Variants in PLEKHH1 observed in about 807,000 individuals in gnomAD.
PLEKHH1 encodes pleckstrin homology, MyTH4 and FERM domain containing H1.
In PLEKHH1, 104 loss-of-function variants were observed where a neutral mutation model predicts 160.0. That is an observed-to-expected ratio of 0.65 (90% CI 0.55 to 0.76). PLEKHH1 has a LOEUF of 0.76. PLEKHH1 is among the 30% of genes least tolerant of loss of function. PLEKHH1 has a pLI of 0.00. For missense variants in PLEKHH1, 1,427 were observed against 1,724.1 expected, an observed-to-expected ratio of 0.83 and a Z score of 3.05; for synonymous variants, 619 against 678.4, an observed-to-expected ratio of 0.91 and a Z score of 1.36.
At chr14:67,549,701 G>T (rs768478121) in intron 2 of PLEKHH1, among the ~76,000 whole-genome samples, 3 of 152,210 alleles carry the variant, frequency 2.0e-5, no homozygotes, top group Non-Finnish European at 2.9e-5. Flanking sequence ...TGCTGATGGG[G>T]CTACGGCTCC....
Position 67,585,483 on chromosome 14 carries a change from G to A in PLEKHH1, c.3700-85G>A, listed in dbSNP as rs1405458125. 1.1e-5 allele frequency: 10 copies of A among 870,502 alleles called. No homozygotes were observed. The Admixed American group carries it at 2.1e-4, about 19-fold the overall frequency. The allele number at this position is 870,502 out of a possible 1,614,324, so 53.9% of individuals were successfully genotyped here. A position where few individuals can be genotyped will look rare whatever the true frequency, so the allele number is the denominator to read the frequency against. On this transcript the variant is annotated intron_variant, in intron 26 of 28. Transcript: ENST00000329153. ...GGAAATCACTGCTTAGCAGATCCCTGGATGTGCCTTCTTTCTCAGAAAGTT... is the reference window on the plus strand; with the variant it reads ...GGAAATCACTGCTTAGCAGATCCCTAGATGTGCCTTCTTTCTCAGAAAGTT...
intron 5 of PLEKHH1, 77 bp downstream of exon 5, chr14:67,559,768 C>A: frequency 1.1e-6 from 1 of 938,136 alleles, no homozygotes; most frequent in Non-Finnish European, 1.7e-6. Flanking sequence ...TTCCTGCCCC[C>A]TACTGTCTAG....
In PLEKHH1 at chr14:67,571,605, G is replaced by T. The variant is rs991626314; in HGVS notation, c.1435-147G>T. ...CATGACACAGGAGTGAGGCCAGGAGGGACCTTACACTGGACAGTTGTCTGT... is the reference window on the plus strand; with the variant it reads ...CATGACACAGGAGTGAGGCCAGGAGTGACCTTACACTGGACAGTTGTCTGT... On this transcript the variant is annotated intron_variant, in intron 9 of 28. Coordinates refer to ENST00000329153, the MANE Select transcript of PLEKHH1 (RefSeq NM_020715.3). 8.7e-6 allele frequency: 6 copies of T among 693,332 alleles called. No individual in the cohort carries two copies. In the Admixed American group the frequency reaches 1.3e-4, roughly 16 times the overall value. The allele number at this position is 693,332 out of a possible 1,614,324, so 42.9% of individuals were successfully genotyped here. A position where few individuals can be genotyped will look rare whatever the true frequency, so the allele number is the denominator to read the frequency against.
intron 26 of PLEKHH1, chr14:67,585,350 G>T: frequency 1.9e-6 from 1 of 538,844 alleles, no homozygotes; most frequent in Non-Finnish European, 3.3e-6. Context: ...GAGATGGTTA[G>T]TAGGTGGCCA....
chr14:67,561,343 G>A (rs2034828649), intron 5 of PLEKHH1, among the ~76,000 whole-genome samples: 1 of 152,166 alleles, frequency 6.6e-6, no homozygotes, highest in Non-Finnish European at 1.5e-5. Context: ...TCGACACTAG[G>A]AGTTTGAGAC....
At position 67,587,651 on chromosome 14, in the gene PLEKHH1, A is replaced by C; in HGVS notation, c.*416A>C. The C allele has an allele frequency of 4.8e-6, 1 of 210,470 alleles. No individual in the cohort carries two copies. The highest frequency in any genetic ancestry group is 9.7e-6 in the Non-Finnish European group (1 of 103,500). 13.0% of individuals were successfully genotyped at this position (210,470 alleles called of 1,614,324 possible). The stretch of plus-strand genomic sequence containing the variant: ...GTCACCCAGTCCACAGGGTTCAAGC[A>C]ATTCTCCTGCCTCAGCCTTCGGAGT... On this transcript the variant is annotated 3_prime_UTR_variant, in exon 29 of 29. Coordinates refer to ENST00000329153, the MANE Select transcript of PLEKHH1 (RefSeq NM_020715.3).
chr14:67,576,960 G>C lies in PLEKHH1; in HGVS notation c.2462-342G>C, dbSNP rs1283480237. 6.6e-6 allele frequency among the ~76,000 whole-genome samples: 1 copy of C among 152,108 alleles called. No individual in the cohort carries two copies. The highest frequency in any genetic ancestry group is 2.4e-5 in the African/African-American group (1 of 41,408). On this transcript the variant is annotated intron_variant, in intron 17 of 28. Coordinates refer to ENST00000329153, the MANE Select transcript of PLEKHH1 (RefSeq NM_020715.3). The surrounding 1 kb of genome is among the most constrained non-coding windows in gnomAD (Gnocchi z 4.0). ...ACACACACCCCTTTACTACTGCTCT[G>C]AGGCTTGTTTGTTTCTGACCAATTC...
intron 1 of PLEKHH1, among the ~76,000 whole-genome samples, chr14:67,541,424 C>T (rs1350818962): frequency 6.6e-6 from 1 of 152,244 alleles, no homozygotes; most frequent in Non-Finnish European, 1.5e-5. Context: ...TTGAAAAACA[C>T]AAAGACAAGG....
chr14:67,576,407 T>C lies in PLEKHH1; in HGVS notation c.2365T>C (p.Tyr789His). The change falls in exon 17 of 29, where the codon TAC becomes CAC. Residue 789 changes from tyrosine (Y) to histidine (H), a missense_variant. Physicochemically the swap from Tyr to His is moderately conservative, Grantham distance 83. Coordinates refer to ENST00000329153, the MANE Select transcript of PLEKHH1 (RefSeq NM_020715.3). This position sits in a 1 kb window ranked among gnomAD's most constrained non-coding sequence, Gnocchi z 4.0. ...GTKHEKDTWL[Y>H]HLTVAAGGSS... ...CGCCCTCTTCCAGGATACGTGGCTC[T>C]ACCACCTCACAGTGGCTGCAGGTGG... is the stretch of plus-strand genomic sequence containing the variant. 6.2e-7 allele frequency: 1 copy of C among 1,602,462 alleles called. No individual in the cohort carries two copies. Among genetic ancestry groups the C allele is most frequent in the Non-Finnish European group, 8.5e-7 (1 of 1,169,828 alleles).
At position 67,587,709 on chromosome 14, in the gene PLEKHH1, G is replaced by A. The variant is rs149851890; in HGVS notation, c.*474G>A. The A allele has an allele frequency of 0.014, 2,365 of 164,264 alleles. 64 individuals carry two copies. The highest frequency in any genetic ancestry group is 0.092 in the South Asian group (583 of 6,304). The allele number at this position is 164,264 out of a possible 1,614,324, so 10.2% of individuals were successfully genotyped here. On this transcript the variant is annotated 3_prime_UTR_variant, in exon 29 of 29. Coordinates refer to ENST00000329153, the MANE Select transcript of PLEKHH1 (RefSeq NM_020715.3). ...ATTACAGGTGTGCGCCACCATGCCC[G>A]GCTAATTTTTGTATTTTTAGTAGAG...
At chr14:67,534,358 A>G (rs1417928080) in intron 1 of PLEKHH1, among the ~76,000 whole-genome samples, 2 of 151,998 alleles carry the variant, frequency 1.3e-5, no homozygotes, top group Non-Finnish European at 2.9e-5. Flanking sequence ...GCAGGAGGAG[A>G]GCTTGATGCC....
At chr14:67,571,656 A>G in intron 9 of PLEKHH1, 96 bp from the exon 10 acceptor site, 1 of 1,335,806 alleles carries the variant, frequency 7.5e-7, no homozygotes. Context: ...GGGGTTGGCC[A>G]CACCATGGGC....
At chr14:67,570,311 C>A in intron 9 of PLEKHH1, 1 of 978,534 alleles carries the variant, frequency 1.0e-6, no homozygotes, top group Non-Finnish European at 1.2e-6. Context: ...TCCCAGAGGG[C>A]AGTGGGGCTC....
Position 67,575,549 on chromosome 14 carries a change from A to G in PLEKHH1, c.2169+77A>G, listed in dbSNP as rs747493939. 8.7e-6 allele frequency: 8 copies of G among 924,796 alleles called. No individual in the cohort carries two copies. In the African/African-American group the frequency reaches 1.3e-4, roughly 15 times the overall value. 57.3% of individuals were successfully genotyped at this position (924,796 alleles called of 1,614,324 possible). On this transcript the variant is annotated intron_variant, in intron 15 of 28. Coordinates refer to ENST00000329153, the MANE Select transcript of PLEKHH1 (RefSeq NM_020715.3). ...ATGACTGCCACTCTATGTCCTGATG[A>G]AAGTCCCTACCCCACGTAACCCCAC...
intron 2 of PLEKHH1, among the ~76,000 whole-genome samples, chr14:67,545,463 C>G (rs2034138887): frequency 6.6e-6 from 1 of 151,944 alleles, no homozygotes; most frequent in South Asian, 2.1e-4. Context: ...GTATTCATAC[C>G]TCAAATCAGT....
At chr14:67,553,112 C>G (rs2034463599) in intron 2 of PLEKHH1, among the ~76,000 whole-genome samples, 1 of 152,182 alleles carries the variant, frequency 6.6e-6, no homozygotes, top group South Asian at 2.1e-4. Flanking sequence ...TGCAAAAGAG[C>G]AAGACAAGTT....
At chr14:67,565,970 A>C (rs1657772711) in intron 7 of PLEKHH1, among the ~76,000 whole-genome samples, 1 of 152,062 alleles carries the variant, frequency 6.6e-6, no homozygotes. Flanking sequence ...AAATACAAAA[A>C]TTATTTGGGC....
At chr14:67,543,983 A>G (rs1196876918) in intron 2 of PLEKHH1, among the ~76,000 whole-genome samples, 1 of 152,136 alleles carries the variant, frequency 6.6e-6, no homozygotes, top group Non-Finnish European at 1.5e-5. Flanking sequence ...GAGTAATGTA[A>G]GGTTTGAAGT....
intron 1 of PLEKHH1, among the ~76,000 whole-genome samples, chr14:67,535,193 AAC>A (rs1285068558): frequency 2.6e-5 from 4 of 152,140 alleles, no homozygotes; most frequent in Admixed American, 6.5e-5. Flanking sequence ...TCTCTGAGAG[AAC>A]ACACAGAAAC....
Sources: allele counts gnomAD v4.1 joint callset (sites outside exome capture counted in the v4.1 genomes callset), GRCh38; gene constraint gnomAD v4.1.1; non-coding constraint Gnocchi (gnomAD v3.1); transcripts MANE v1.5; gene names NCBI Gene and HGNC (gene_info 2026-07-23, HGNC 2026-07-21).